The following UIMC1 variants were observed in gnomAD, a reference collection of about 807,000 sequenced individuals.
The protein encoded by UIMC1 is BRCA1-A complex subunit RAP80.
Under a neutral mutation model 84.9 loss-of-function variants are expected in UIMC1, and 42 were observed. The ratio of observed to expected loss-of-function variants is 0.49; its 90% CI spans 0.39 to 0.64. The LOEUF (loss-of-function observed/expected upper bound fraction) is 0.64, where lower values mean the gene tolerates loss of function less well. Ranked by LOEUF, UIMC1 falls within the 30% of genes least tolerant of loss-of-function variation. The pLI, the probability that UIMC1 is intolerant of heterozygous loss-of-function variation, is 0.00. For synonymous variants in UIMC1, 281 were observed against 293.0 expected, an observed-to-expected ratio of 0.96 and a Z score of 0.42; for missense variants, 825 against 847.6, an observed-to-expected ratio of 0.97 and a Z score of 0.33.
At chr5:176,910,439 A>G (rs903516438) in intron 11 of UIMC1, among the ~76,000 whole-genome samples, 1 of 152,204 alleles carries the variant, frequency 6.6e-6, no homozygotes, top group African/African-American at 2.4e-5. Context: ...AGTCAGGCAA[A>G]TCTAGTTTCT....
chr5:176,977,782 C>T (rs967236616), intron 2 of UIMC1, among the ~76,000 whole-genome samples: 8 of 151,568 alleles, frequency 5.3e-5, no homozygotes, highest in Non-Finnish European at 1.2e-4. Flanking sequence ...TGGTGGCAGG[C>T]ACCTGTAATC....
Position 176,905,048 on chromosome 5 carries a change from A to T in UIMC1, c.*234T>A, listed in dbSNP as rs1465044303. 1.0e-5 allele frequency: 4 copies of T among 395,164 alleles called. No individual in the cohort carries two copies. Among genetic ancestry groups the T allele is most frequent in the Non-Finnish European group, 1.8e-5 (4 of 221,710 alleles). 24.5% of individuals were successfully genotyped at this position (395,164 alleles called of 1,614,324 possible). On this transcript the variant is annotated 3_prime_UTR_variant, in exon 15 of 15. Transcript: ENST00000511320. ...TGAAATAAGATTTCGTACAAACATA[A>T]ATATATTTAAATTTTTTAACTGTAA...
At chr5:176,943,258 C>A in intron 10 of UIMC1, 77 bp downstream of exon 10, 1 of 1,475,796 alleles carries the variant, frequency 6.8e-7, no homozygotes. Flanking sequence ...TATGTTTTTT[C>A]CCTGCATTGT....
chr5:176,992,193 T>C lies in UIMC1; in HGVS notation c.-8-9570A>G, dbSNP rs1231828825. Among the ~76,000 whole-genome samples the C allele has an allele frequency of 3.3e-5, 5 of 152,158 alleles. No individual in the cohort carries two copies. In the East Asian group the frequency reaches 9.6e-4, roughly 29 times the overall value. On this transcript the variant is annotated intron_variant, in intron 1 of 14. Transcript: ENST00000511320. ...TCTTAACCTGTCAATCCAAAAGCCC[T>C]TAAAGAATCTATAGATTGGCTTCAG...
At chr5:177,000,522 T>TG (rs1483113542) in intron 1 of UIMC1, among the ~76,000 whole-genome samples, 2 of 143,506 alleles carry the variant, frequency 1.4e-5, no homozygotes, top group Non-Finnish European at 3.0e-5. Context: ...TTTTTTGAGA[T>TG]GGAGTTTCAT....
At chr5:176,911,912 T>C (rs1177331933) in intron 10 of UIMC1, among the ~76,000 whole-genome samples, 1 of 152,234 alleles carries the variant, frequency 6.6e-6, no homozygotes, top group Admixed American at 6.5e-5. Context: ...CTCCCAATTC[T>C]AGTGGGTATA....
upstream of UIMC1, among the ~76,000 whole-genome samples, chr5:177,007,042 C>G (rs1443630961): frequency 6.6e-6 from 1 of 152,094 alleles, no homozygotes; most frequent in African/African-American, 2.4e-5. Context: ...AATTTCACGT[C>G]TAGAAAAATA....
intron 3 of UIMC1, among the ~76,000 whole-genome samples, chr5:176,973,446 G>C (rs1769568697): frequency 6.6e-6 from 1 of 151,860 alleles, no homozygotes; most frequent in Non-Finnish European, 1.5e-5. Flanking sequence ...CACCTCAGGA[G>C]AGTAACAATG....
intron 1 of UIMC1, among the ~76,000 whole-genome samples, chr5:177,016,714 C>T (rs530803156): frequency 1.4e-5 from 2 of 144,962 alleles, no homozygotes; most frequent in Admixed American, 1.4e-4. Context: ...AGTGAGACTC[C>T]GTCTCAAAAA....
rs565970762 is a variant in UIMC1, at chr5:176,989,543, C to A, written c.-8-6920G>T. 5.5e-4 allele frequency among the ~76,000 whole-genome samples: 83 copies of A among 151,836 alleles called. No individual in the cohort carries two copies. The South Asian group carries it at 0.017, about 31-fold the overall frequency. On this transcript the variant is annotated intron_variant, in intron 1 of 14. Transcript: ENST00000511320. ...GGTGTGGTGGCACATGCCTGCAGAC[C>A]CAGCTACTGGAGAGGCTGGGGCAGG... is the stretch of plus-strand genomic sequence containing the variant.
intron 1 of UIMC1, among the ~76,000 whole-genome samples, chr5:177,019,416 G>C (rs1204199020): frequency 6.6e-6 from 1 of 151,762 alleles, no homozygotes; most frequent in African/African-American, 2.4e-5. Flanking sequence ...CAGGAGGATC[G>C]CTTGAGCTCA....
At chr5:176,978,994 G>A (rs1343857411) in intron 2 of UIMC1, among the ~76,000 whole-genome samples, 1 of 152,148 alleles carries the variant, frequency 6.6e-6, no homozygotes, top group East Asian at 1.9e-4. Flanking sequence ...AAGTGCTAGA[G>A]AGTAAGAGAA....
intron 10 of UIMC1, among the ~76,000 whole-genome samples, chr5:176,912,766 A>C (rs948079759): frequency 6.6e-6 from 1 of 151,942 alleles, no homozygotes; most frequent in African/African-American, 2.4e-5. Flanking sequence ...CCCGAGTTCA[A>C]GTGATTCTTC....
At chr5:176,917,383 C>T (rs1281951486) in intron 10 of UIMC1, among the ~76,000 whole-genome samples, 5 of 152,074 alleles carry the variant, frequency 3.3e-5, no homozygotes, top group Non-Finnish European at 7.4e-5. Context: ...ACCAGCCTGG[C>T]CAACACGACA....
At chr5:176,991,079 C>A (rs1772771247) in intron 1 of UIMC1, among the ~76,000 whole-genome samples, 2 of 152,012 alleles carry the variant, frequency 1.3e-5, no homozygotes, top group Non-Finnish European at 2.9e-5. Flanking sequence ...ACTATCTCGG[C>A]TCACTGCAAG....
At chr5:177,002,634 T>C (rs1349778565) in intron 1 of UIMC1, among the ~76,000 whole-genome samples, 1 of 151,982 alleles carries the variant, frequency 6.6e-6, no homozygotes, top group Non-Finnish European at 1.5e-5. Context: ...ACCCCGTCTC[T>C]ACTAAAAATA....
At chr5:177,003,654 A>AAAAC (rs374846412) in intron 1 of UIMC1, among the ~76,000 whole-genome samples, 74 of 152,252 alleles carry the variant, frequency 4.9e-4, no homozygotes, top group Admixed American at 3.0e-3. Context: ...CTCTGTCTCA[A>AAAAC]AAACAAACAA....
At chr5:176,969,375 C>A in intron 5 of UIMC1, 84 bp from the exon 6 acceptor site, 1 of 1,504,238 alleles carries the variant, frequency 6.6e-7, no homozygotes, top group Non-Finnish European at 8.9e-7. Flanking sequence ...CCAAGAATTA[C>A]ATAATATGGG....
chr5:176,938,573 G>A (rs1764007956), intron 10 of UIMC1, among the ~76,000 whole-genome samples: 1 of 152,166 alleles, frequency 6.6e-6, no homozygotes, highest in Admixed American at 6.5e-5. Context: ...CCCTCTCATA[G>A]GGCCTGAAAA....
Sources: gnomAD v4.1 joint callset for allele counts (sites outside exome capture counted in the v4.1 genomes callset) on GRCh38, gnomAD v4.1.1 for gene constraint, MANE v1.5 for transcripts, NCBI Gene and HGNC (gene_info 2026-07-23, HGNC 2026-07-21) for gene names.